The following SLC22A3 variants were observed in gnomAD, a reference collection of about 807,000 sequenced individuals.
The protein encoded by SLC22A3 is EMT organic cation transporter 3.
SLC22A3 carries 51 observed loss-of-function variants against 59.1 expected under a neutral mutation model. The observed-to-expected ratio is 0.86, with a 90% CI of 0.69 to 1.09. SLC22A3 has a LOEUF of 1.09. Among genes scored for constraint, SLC22A3 ranks in the 50% least tolerant of loss-of-function variants. The pLI is 0.00. For missense variants in SLC22A3, 711 were observed against 726.3 expected (o/e 0.98, Z 0.24); for synonymous variants, 325 against 292.0 (o/e 1.11, Z -1.15).
intron 1 of SLC22A3, among the ~76,000 whole-genome samples, chr6:160,368,006 A>G (rs1393843199): frequency 6.6e-6 from 1 of 151,626 alleles, no homozygotes. Context: ...ACTGCTGGAG[A>G]CACCACTCCC....
At chr6:160,434,800 A>G (rs1301377887) in intron 5 of SLC22A3, among the ~76,000 whole-genome samples, 1 of 152,192 alleles carries the variant, frequency 6.6e-6, no homozygotes, top group Admixed American at 6.5e-5. Flanking sequence ...CTTAATAGAC[A>G]TTATATTAGT....
chr6:160,351,023 A>G (rs1273524364), intron 1 of SLC22A3, among the ~76,000 whole-genome samples: 1 of 152,254 alleles, frequency 6.6e-6, no homozygotes, highest in Admixed American at 6.5e-5. Flanking sequence ...ATGATTAAAA[A>G]GTCTTTAAGA....
intron 5 of SLC22A3, among the ~76,000 whole-genome samples, chr6:160,433,618 G>T (rs566654104): frequency 1.8e-4 from 28 of 152,188 alleles, no homozygotes; most frequent in African/African-American, 6.3e-4. Flanking sequence ...TGAGGTGGGA[G>T]GATTGCTTGA....
intron 2 of SLC22A3, among the ~76,000 whole-genome samples, chr6:160,401,110 G>A (rs374354107): frequency 8.6e-5 from 13 of 151,232 alleles, no homozygotes; most frequent in African/African-American, 2.4e-4. Flanking sequence ...AATACCAAAA[G>A]GAGAATAAAG....
intron 1 of SLC22A3, among the ~76,000 whole-genome samples, chr6:160,388,291 T>C (rs1174508377): frequency 6.6e-6 from 1 of 152,160 alleles, no homozygotes; most frequent in Non-Finnish European, 1.5e-5. Flanking sequence ...TGTCAGAGTG[T>C]ACAATTAGAA....
chr6:160,390,044 T>C (rs1786187205), intron 1 of SLC22A3, among the ~76,000 whole-genome samples: 1 of 152,236 alleles, frequency 6.6e-6, no homozygotes, highest in South Asian at 2.1e-4. Flanking sequence ...TATTTGTGCC[T>C]TTGATTAACT....
At chr6:160,378,936 A>T (rs1014396528) in intron 1 of SLC22A3, among the ~76,000 whole-genome samples, 13 of 152,220 alleles carry the variant, frequency 8.5e-5, no homozygotes, top group African/African-American at 3.1e-4. Flanking sequence ...GATCAAAATT[A>T]AAAAACAAAG....
chr6:160,438,490 T>C lies in SLC22A3; in HGVS notation c.1288+1279T>C, dbSNP rs145253121. Among the ~76,000 whole-genome samples, 15 of 152,218 alleles carry C rather than the reference T, an allele frequency of 9.9e-5. No individual in the cohort carries two copies. In the East Asian group the frequency reaches 2.9e-3, roughly 29 times the overall value. On this transcript the variant is annotated intron_variant, in intron 7 of 10. Transcript: ENST00000275300. ...GTCAGAACAGTCAGACATTTACAGATGAGTTTATTAATTAAATGAAGGTTT... is the reference window on the plus strand; with the variant it reads ...GTCAGAACAGTCAGACATTTACAGACGAGTTTATTAATTAAATGAAGGTTT...
intron 2 of SLC22A3, among the ~76,000 whole-genome samples, chr6:160,405,790 G>A (rs1786989735): frequency 6.6e-6 from 1 of 152,052 alleles, no homozygotes; most frequent in Non-Finnish European, 1.5e-5. Context: ...GGAAACGTAA[G>A]TACTTATTAC....
intron 1 of SLC22A3, among the ~76,000 whole-genome samples, chr6:160,350,793 G>T (rs1297509412): frequency 6.6e-6 from 1 of 152,132 alleles, no homozygotes; most frequent in Non-Finnish European, 1.5e-5. Flanking sequence ...TTACAATAAG[G>T]TGATTTTATG....
intron 1 of SLC22A3, chr6:160,349,159 C>G: frequency 1.3e-6 from 1 of 765,522 alleles, no homozygotes. Context: ...GAGTCAAAGA[C>G]CCAGCACCGC....
At chr6:160,436,957 T>C in intron 6 of SLC22A3, 40 bp from the exon 7 acceptor site, 1 of 1,612,868 alleles carries the variant, frequency 6.2e-7, no homozygotes, top group Non-Finnish European at 8.5e-7. Context: ...CTTGAAGTTA[T>C]CTCTTACTTG....
chr6:160,400,083 G>GTTTTTTTT, intron 2 of SLC22A3, among the ~76,000 whole-genome samples: 3 of 103,676 alleles, frequency 2.9e-5, no homozygotes, highest in African/African-American at 1.3e-4. Context: ...AAGCTTTTGT[G>GTTTTTTTT]ATTTTTTTTT....
chr6:160,394,593 A>G (rs1444701204), intron 1 of SLC22A3, among the ~76,000 whole-genome samples: 1 of 152,236 alleles, frequency 6.6e-6, no homozygotes, highest in East Asian at 1.9e-4. Flanking sequence ...CTTTAGAAAC[A>G]CATAATTTGT....
chr6:160,365,802 C>A (rs1317849951), intron 1 of SLC22A3, among the ~76,000 whole-genome samples: 1 of 152,018 alleles, frequency 6.6e-6, no homozygotes. Flanking sequence ...ACTCACAGTA[C>A]AGAATGTTTG....
intron 1 of SLC22A3, among the ~76,000 whole-genome samples, chr6:160,375,081 A>C (rs935107330): frequency 2.6e-5 from 4 of 152,296 alleles, no homozygotes; most frequent in Middle Eastern, 3.4e-3. Flanking sequence ...TGCTCACCCA[A>C]AACCTTGGTA....
At chr6:160,412,548 C>T (rs1437331921) in intron 5 of SLC22A3, among the ~76,000 whole-genome samples, 1 of 152,106 alleles carries the variant, frequency 6.6e-6, no homozygotes, top group East Asian at 1.9e-4. Flanking sequence ...AATGATGTAC[C>T]TTGAGGTTTA....
chr6:160,400,488 A>G (rs1786727722), intron 2 of SLC22A3, among the ~76,000 whole-genome samples: 1 of 152,108 alleles, frequency 6.6e-6, no homozygotes, highest in South Asian at 2.1e-4. Context: ...CCGTTTAGAG[A>G]CATAGGTTCA....
At chr6:160,407,587 A>T (rs1178422263) in intron 3 of SLC22A3, among the ~76,000 whole-genome samples, 2 of 152,094 alleles carry the variant, frequency 1.3e-5, no homozygotes, top group Non-Finnish European at 1.5e-5. Flanking sequence ...ACAGTTTGAG[A>T]TTACTTTCCT....
Sources: allele counts gnomAD v4.1 joint callset (sites outside exome capture counted in the v4.1 genomes callset), GRCh38; gene constraint gnomAD v4.1.1; transcripts MANE v1.5; gene names NCBI Gene and HGNC (gene_info 2026-07-23, HGNC 2026-07-21).